The following GPC5 variants were observed in gnomAD, a reference collection of about 807,000 sequenced individuals.
GPC5 encodes glypican 5.
A neutral mutation model predicts 53.9 loss-of-function variants in GPC5; 47 were observed. That is an observed-to-expected ratio of 0.87 (90% CI 0.69 to 1.11). The LOEUF (loss-of-function observed/expected upper bound fraction) is 1.11, where lower values mean the gene tolerates loss of function less well. Among genes scored for constraint, GPC5 ranks in the 50% most tolerant of loss-of-function variants. GPC5 has a pLI of 0.00. For missense variants in GPC5, 748 were observed against 713.1 expected, an observed-to-expected ratio of 1.05 and a Z score of -0.56; for synonymous variants, 286 against 263.3, an observed-to-expected ratio of 1.09 and a Z score of -0.84.
chr13:92,266,967 C>CTAA (rs2042806510), intron 7 of GPC5, among the ~76,000 whole-genome samples: 1 of 151,786 alleles, frequency 6.6e-6, no homozygotes, highest in Non-Finnish European at 1.5e-5. Flanking sequence ...TTCAATTTTG[C>CTAA]TTTTTGTGTC....
chr13:91,426,872 C>T (rs964684734), intron 1 of GPC5, among the ~76,000 whole-genome samples: 1 of 152,126 alleles, frequency 6.6e-6, no homozygotes. Flanking sequence ...TATTTTGCAT[C>T]CTTCAATCCA....
chr13:92,541,870 C>G (rs1389076244), intron 7 of GPC5, among the ~76,000 whole-genome samples: 2 of 151,784 alleles, frequency 1.3e-5, no homozygotes, highest in Admixed American at 1.3e-4. Flanking sequence ...GACCATTTAC[C>G]AAAGACATTA....
intron 6 of GPC5, among the ~76,000 whole-genome samples, chr13:92,130,593 G>A (rs1253229132): frequency 1.3e-5 from 2 of 152,008 alleles, no homozygotes; most frequent in Non-Finnish European, 2.9e-5. Context: ...AGTAATCATT[G>A]ACACAAAAAT....
intron 7 of GPC5, among the ~76,000 whole-genome samples, chr13:92,576,719 A>G (rs1238028103): frequency 6.6e-6 from 1 of 152,202 alleles, no homozygotes; most frequent in African/African-American, 2.4e-5. Context: ...AAAATATGTT[A>G]AAGCCAGCTG....
intron 6 of GPC5, among the ~76,000 whole-genome samples, chr13:92,082,207 G>A (rs1028964170): frequency 3.3e-5 from 5 of 151,972 alleles, no homozygotes; most frequent in African/African-American, 1.2e-4. Context: ...ATATATATGG[G>A]CCATTGAATT....
intron 2 of GPC5, among the ~76,000 whole-genome samples, chr13:91,645,945 T>C (rs1438293173): frequency 6.6e-6 from 1 of 152,154 alleles, no homozygotes; most frequent in Non-Finnish European, 1.5e-5. Context: ...TTCCAGGTGA[T>C]CATTGGCCCA....
At chr13:92,655,339 TATTTTA>T (rs773651361) in intron 7 of GPC5, among the ~76,000 whole-genome samples, 99 of 139,308 alleles carry the variant, frequency 7.1e-4, no homozygotes, top group African/African-American at 2.3e-3. Flanking sequence ...ATTTTATTTT[TATTTTA>T]TTTTTTGAGA....
At chr13:92,370,720 A>G (rs891290616) in intron 7 of GPC5, among the ~76,000 whole-genome samples, 5 of 152,226 alleles carry the variant, frequency 3.3e-5, no homozygotes, top group African/African-American at 1.2e-4. Flanking sequence ...TGAATGTATC[A>G]TGACTTTACC....
chr13:92,188,599 T>A (rs963992169), intron 7 of GPC5, among the ~76,000 whole-genome samples: 45 of 152,336 alleles, frequency 3.0e-4, no homozygotes, highest in African/African-American at 1.0e-3. Context: ...ATTGTTTAAA[T>A]GAATCATTCC....
chr13:92,681,420 C>T (rs1036022613), intron 7 of GPC5, among the ~76,000 whole-genome samples: 9 of 151,722 alleles, frequency 5.9e-5, no homozygotes, highest in Non-Finnish European at 1.2e-4. Flanking sequence ...CCCCACCCAA[C>T]TCACCCCACC....
intron 7 of GPC5, among the ~76,000 whole-genome samples, chr13:92,342,769 T>A (rs1363537020): frequency 6.6e-6 from 1 of 152,138 alleles, no homozygotes; most frequent in African/African-American, 2.4e-5. Flanking sequence ...TTTCATTAAT[T>A]CTCATTGTTT....
chr13:91,735,014 T>C (rs2036784125), intron 4 of GPC5, among the ~76,000 whole-genome samples: 1 of 151,180 alleles, frequency 6.6e-6, no homozygotes, highest in Non-Finnish European at 1.5e-5. Flanking sequence ...CTTTTAGACA[T>C]TGAAAACATT....
At chr13:92,296,765 A>G (rs1009504533) in intron 7 of GPC5, among the ~76,000 whole-genome samples, 2 of 152,186 alleles carry the variant, frequency 1.3e-5, no homozygotes, top group East Asian at 1.9e-4. Context: ...TGGAGCAGCC[A>G]GCCAGCCCTG....
intron 4 of GPC5, among the ~76,000 whole-genome samples, chr13:91,730,880 C>T (rs1334853971): frequency 6.6e-6 from 1 of 152,114 alleles, no homozygotes; most frequent in Non-Finnish European, 1.5e-5. Flanking sequence ...AAGAATATCC[C>T]AGTAACATCC....
At chr13:91,513,198 G>A (rs9523348) in intron 2 of GPC5, among the ~76,000 whole-genome samples, 83,590 of 152,002 alleles carry the variant, frequency 0.55, 27,473 homozygotes, top group Non-Finnish European at 0.72. Context: ...TTCACAGGCC[G>A]TTGTAAGTAG....
chr13:91,897,489 G>T (rs1337663492), intron 5 of GPC5, among the ~76,000 whole-genome samples: 1 of 152,102 alleles, frequency 6.6e-6, no homozygotes, highest in East Asian at 1.9e-4. Flanking sequence ...AGAGCAGTCA[G>T]AGAGGTGTTC....
intron 7 of GPC5, among the ~76,000 whole-genome samples, chr13:92,185,852 C>T (rs938630728): frequency 6.6e-6 from 1 of 152,008 alleles, no homozygotes; most frequent in African/African-American, 2.4e-5. Context: ...TCTCAGTGAA[C>T]TCTGGGAAAG....
chr13:91,802,743 G>A (rs1449210939), intron 5 of GPC5, among the ~76,000 whole-genome samples: 6 of 152,136 alleles, frequency 3.9e-5, no homozygotes, highest in Non-Finnish European at 8.8e-5. Context: ...GCATGTGGTA[G>A]TGAGTATTAG....
chr13:91,510,854 G>T (rs1885197113), intron 2 of GPC5, among the ~76,000 whole-genome samples: 1 of 151,882 alleles, frequency 6.6e-6, no homozygotes, highest in Admixed American at 6.6e-5. Flanking sequence ...ATTTTATTTT[G>T]TGGGTTATTA....
Sources: allele counts gnomAD v4.1 joint callset (sites outside exome capture counted in the v4.1 genomes callset), GRCh38; gene constraint gnomAD v4.1.1; transcripts MANE v1.5; gene names NCBI Gene and HGNC (gene_info 2026-07-23, HGNC 2026-07-21).